The following MAP3K5 variants were observed in gnomAD, a reference collection of about 807,000 sequenced individuals.
MAP3K5 encodes the protein ASK-1.
MAP3K5 carries 56 observed loss-of-function variants against 158.7 expected under a neutral mutation model. The ratio of observed to expected loss-of-function variants is 0.35; its 90% CI spans 0.28 to 0.44. The LOEUF (loss-of-function observed/expected upper bound fraction) is 0.44, where lower values mean the gene tolerates loss of function less well. Ranked by LOEUF, MAP3K5 falls within the 20% of genes least tolerant of loss-of-function variation. The probability of loss-of-function intolerance (pLI) is 1.00; values close to 1 mark genes in which losing one functional copy is unlikely to be tolerated. For missense variants in MAP3K5, 1,294 were observed against 1,674.8 expected (o/e 0.77, Z 3.97); for synonymous variants, 579 against 601.7 (o/e 0.96, Z 0.55).
At chr6:136,778,355 C>G (rs1431541663) in intron 1 of MAP3K5, among the ~76,000 whole-genome samples, 1 of 152,066 alleles carries the variant, frequency 6.6e-6, no homozygotes, top group Non-Finnish European at 1.5e-5. Flanking sequence ...ACCCTGTTCT[C>G]AAGTGCACAG....
At chr6:136,629,109 G>C (rs897647849) in intron 14 of MAP3K5, 2 of 152,134 alleles carry the variant, frequency 1.3e-5, no homozygotes, top group Non-Finnish European at 2.9e-5. Flanking sequence ...CTTTATTGCT[G>C]TCTGCTCAGA....
intron 5 of MAP3K5, 138 bp from the exon 6 acceptor site, chr6:136,696,195 A>G: frequency 1.8e-6 from 1 of 566,076 alleles, no homozygotes; most frequent in Non-Finnish European, 3.1e-6. Context: ...CACTTTGAAG[A>G]ACCTAGAATA....
In MAP3K5 at chr6:136,792,030, T is replaced by TCCTCGC. The variant is rs1785101149; in HGVS notation, c.122_127dup (p.Gly41_Glu42dup). 1.9e-6 allele frequency: 3 copies of TCCTCGC among 1,558,738 alleles called. No homozygotes were observed. The highest frequency in any genetic ancestry group is 1.4e-5 in the African/African-American group (1 of 72,206). ...CGGCGGCGGCGGTGGCAGCTGGTGC[T>TCCTCGC]CCTCGCCCTCGCCCACCGCCGCCGC... On this transcript the variant is annotated inframe_insertion, in exon 1 of 30. Coordinates refer to ENST00000359015, the MANE Select transcript of MAP3K5 (RefSeq NM_005923.4). This position sits in a 1 kb window ranked among gnomAD's most constrained non-coding sequence, Gnocchi z 5.7.
intron 1 of MAP3K5, among the ~76,000 whole-genome samples, chr6:136,790,700 T>G (rs1292157810): frequency 2.0e-5 from 3 of 152,196 alleles, no homozygotes; most frequent in Non-Finnish European, 2.9e-5. Context: ...TTTTATGTGA[T>G]CACAAATGCA....
intron 25 of MAP3K5, among the ~76,000 whole-genome samples, chr6:136,571,135 C>T (rs1469487921): frequency 6.6e-6 from 1 of 152,146 alleles, no homozygotes; most frequent in Non-Finnish European, 1.5e-5. Flanking sequence ...CATGCACCCC[C>T]CTATTCTAAG....
chr6:136,692,596 T>C (rs772140533), intron 7 of MAP3K5, among the ~76,000 whole-genome samples: 4 of 152,260 alleles, frequency 2.6e-5, no homozygotes, highest in South Asian at 2.1e-4. Context: ...CCAACATTTA[T>C]AATTGTTATC....
intron 1 of MAP3K5, among the ~76,000 whole-genome samples, chr6:136,778,561 A>T (rs997964638): frequency 1.6e-4 from 24 of 152,342 alleles, no homozygotes; most frequent in African/African-American, 5.3e-4. Context: ...TTTTATATAG[A>T]CCTTAGATAT....
At chr6:136,632,674 G>A (rs1777428868) in intron 14 of MAP3K5, among the ~76,000 whole-genome samples, 1 of 152,140 alleles carries the variant, frequency 6.6e-6, no homozygotes, top group Non-Finnish European at 1.5e-5. Flanking sequence ...CCAAGAAGAT[G>A]AAATGAAGGG....
In MAP3K5 at chr6:136,580,690, A is replaced by G. The variant is rs111373992; in HGVS notation, c.3412-284T>C. On this transcript the variant is annotated intron_variant, in intron 24 of 29. Transcript: ENST00000359015. ...TCAGAATGTGCAGTTTTTAGCTTTTATAATGTCTGCAGAATGGATGGAGGG... is the reference window on the plus strand; with the variant it reads ...TCAGAATGTGCAGTTTTTAGCTTTTGTAATGTCTGCAGAATGGATGGAGGG... Among the ~76,000 whole-genome samples, 1,193 of 152,308 alleles carry G rather than the reference A, an allele frequency of 7.8e-3. 19 individuals are homozygous for G. The highest frequency in any genetic ancestry group is 0.027 in the African/African-American group (1,134 of 41,564).
At chr6:136,687,967 C>T (rs1409646628) in intron 7 of MAP3K5, among the ~76,000 whole-genome samples, 1 of 152,154 alleles carries the variant, frequency 6.6e-6, no homozygotes, top group Non-Finnish European at 1.5e-5. Flanking sequence ...GACCCATGCA[C>T]ACACATGTTT....
intron 7 of MAP3K5, among the ~76,000 whole-genome samples, chr6:136,682,575 C>T (rs1779981368): frequency 1.3e-5 from 2 of 152,174 alleles, no homozygotes; most frequent in African/African-American, 2.4e-5. Context: ...AGGCCAGGCT[C>T]GCTGTTCTTC....
At chr6:136,728,342 T>C (rs962118940) in intron 1 of MAP3K5, among the ~76,000 whole-genome samples, 20 of 152,154 alleles carry the variant, frequency 1.3e-4, no homozygotes, top group Admixed American at 1.2e-3. Flanking sequence ...AAATTTGACC[T>C]AAAAGTCATG....
At chr6:136,722,354 A>G (rs1464565253) in intron 1 of MAP3K5, among the ~76,000 whole-genome samples, 1 of 152,222 alleles carries the variant, frequency 6.6e-6, no homozygotes, top group African/African-American at 2.4e-5. Flanking sequence ...AATATATGCA[A>G]TATGTGAGAG....
At chr6:136,770,045 C>T (rs1784135175) in intron 1 of MAP3K5, among the ~76,000 whole-genome samples, 1 of 152,150 alleles carries the variant, frequency 6.6e-6, no homozygotes, top group Non-Finnish European at 1.5e-5. Context: ...CTCAGTTTGC[C>T]TCTTCCTGCA....
intron 1 of MAP3K5, among the ~76,000 whole-genome samples, chr6:136,750,035 T>C (rs555664496): frequency 1.3e-5 from 2 of 152,230 alleles, no homozygotes; most frequent in East Asian, 3.9e-4. Context: ...AGAGACAAGG[T>C]GTGGTCATCC....
At chr6:136,728,898 C>T (rs928144846) in intron 1 of MAP3K5, among the ~76,000 whole-genome samples, 3 of 151,738 alleles carry the variant, frequency 2.0e-5, no homozygotes, top group Non-Finnish European at 2.9e-5. Context: ...GAGTTGAGAG[C>T]CACTACACTT....
At chr6:136,694,863 C>T (rs1363534743) in intron 6 of MAP3K5, among the ~76,000 whole-genome samples, 1 of 152,154 alleles carries the variant, frequency 6.6e-6, no homozygotes, top group African/African-American at 2.4e-5. Flanking sequence ...AGACAGTTCA[C>T]AAAACCAGAT....
chr6:136,629,771 A>C (rs1046228853), intron 14 of MAP3K5, among the ~76,000 whole-genome samples: 1 of 19,034 alleles, frequency 5.3e-5, no homozygotes, highest in Admixed American at 4.4e-4. Flanking sequence ...ACCTTCATTT[A>C]TTTATTTATT....
intron 11 of MAP3K5, 111 bp from the exon 12 acceptor site, chr6:136,642,680 A>C: frequency 1.4e-6 from 1 of 726,046 alleles, no homozygotes; most frequent in Non-Finnish European, 2.4e-6. Flanking sequence ...TTTTCCTGGT[A>C]CACTATTTTT....
Sources: gnomAD v4.1 joint callset for allele counts (sites outside exome capture counted in the v4.1 genomes callset) on GRCh38, gnomAD v4.1.1 for gene constraint, Gnocchi (gnomAD v3.1) non-coding constraint, MANE v1.5 for transcripts, NCBI Gene and HGNC (gene_info 2026-07-23, HGNC 2026-07-21) for gene names.